The following SLC9A9 variants were observed in gnomAD, a reference collection of about 807,000 sequenced individuals.
The protein encoded by SLC9A9 is solute carrier family 9 member A9.
Under a neutral mutation model 77.8 loss-of-function variants are expected in SLC9A9, and 62 were observed. The observed-to-expected ratio is 0.80, with a 90% CI of 0.65 to 0.98. The LOEUF (loss-of-function observed/expected upper bound fraction) is 0.98, where lower values mean the gene tolerates loss of function less well. SLC9A9 is among the 50% of genes least tolerant of loss of function. The pLI, the probability that SLC9A9 is intolerant of heterozygous loss-of-function variation, is 0.00. For missense variants in SLC9A9, 775 were observed against 774.9 expected (o/e 1.00, Z 0.00); for synonymous variants, 320 against 283.5 (o/e 1.13, Z -1.29).
At chr3:143,647,414 C>T (rs1021283891) in intron 6 of SLC9A9, among the ~76,000 whole-genome samples, 9 of 152,064 alleles carry the variant, frequency 5.9e-5, no homozygotes, top group Non-Finnish European at 1.2e-4. Flanking sequence ...AACAAATGGG[C>T]TTTTATTTTA....
intron 14 of SLC9A9, among the ~76,000 whole-genome samples, chr3:143,349,255 A>G (rs1170297162): frequency 6.6e-6 from 1 of 152,196 alleles, no homozygotes; most frequent in Non-Finnish European, 1.5e-5. Context: ...CTGGGCTTAA[A>G]GGTGCTTACC....
intron 6 of SLC9A9, among the ~76,000 whole-genome samples, chr3:143,580,257 G>T (rs930057096): frequency 1.3e-5 from 2 of 152,178 alleles, no homozygotes; most frequent in African/African-American, 4.8e-5. Context: ...TCCTTCCAGT[G>T]AAGAAACAAG....
chr3:143,602,237 C>A (rs1322465648), intron 6 of SLC9A9, among the ~76,000 whole-genome samples: 3 of 152,178 alleles, frequency 2.0e-5, no homozygotes, highest in Non-Finnish European at 4.4e-5. Context: ...AGGGCTTGTT[C>A]ACTATGGGAC....
At chr3:143,574,802 G>T (rs556587781) in intron 7 of SLC9A9, among the ~76,000 whole-genome samples, 56 of 152,222 alleles carry the variant, frequency 3.7e-4, no homozygotes, top group African/African-American at 1.3e-3. Context: ...GATGACACTT[G>T]GTCAATGGTC....
At chr3:143,322,117 C>T (rs1440891003) in intron 14 of SLC9A9, among the ~76,000 whole-genome samples, 4 of 152,102 alleles carry the variant, frequency 2.6e-5, no homozygotes, top group Admixed American at 1.3e-4. Flanking sequence ...TTAGATAATT[C>T]GCCAGTGTGA....
chr3:143,490,833 G>A (rs1185142405), intron 11 of SLC9A9, among the ~76,000 whole-genome samples: 1 of 152,098 alleles, frequency 6.6e-6, no homozygotes, highest in Non-Finnish European at 1.5e-5. Context: ...ACATAAATAT[G>A]TAACATTACC....
At chr3:143,570,477 A>G (rs2037239044) in intron 8 of SLC9A9, among the ~76,000 whole-genome samples, 1 of 152,118 alleles carries the variant, frequency 6.6e-6, no homozygotes, top group Admixed American at 6.6e-5. Context: ...TTTTTATTAA[A>G]CCAGACATTT....
chr3:143,764,238 A>C (rs2007230165), intron 4 of SLC9A9, among the ~76,000 whole-genome samples: 1 of 152,174 alleles, frequency 6.6e-6, no homozygotes, highest in Non-Finnish European at 1.5e-5. Flanking sequence ...CAGTTATGTC[A>C]AAGAGTCATA....
chr3:143,486,485 A>G (rs1014680849), intron 11 of SLC9A9, among the ~76,000 whole-genome samples: 1 of 152,300 alleles, frequency 6.6e-6, no homozygotes, highest in African/African-American at 2.4e-5. Flanking sequence ...TAAAAAAATT[A>G]TCAGTATAAG....
intron 4 of SLC9A9, among the ~76,000 whole-genome samples, chr3:143,725,280 T>A (rs1040863354): frequency 5.9e-5 from 9 of 152,144 alleles, no homozygotes; most frequent in African/African-American, 2.2e-4. Flanking sequence ...ACTTTTACAC[T>A]GTTGGTGGGA....
chr3:143,658,881 T>C (rs902212123), intron 5 of SLC9A9, among the ~76,000 whole-genome samples: 2 of 152,234 alleles, frequency 1.3e-5, no homozygotes, highest in African/African-American at 4.8e-5. Context: ...AGGTCTTGTA[T>C]CTGGGAACTT....
At chr3:143,840,229 T>TATAAGATACTA (rs1553728253) in intron 1 of SLC9A9, among the ~76,000 whole-genome samples, 15 of 151,712 alleles carry the variant, frequency 9.9e-5, no homozygotes, top group Admixed American at 9.2e-4. Flanking sequence ...AGCATTGTCA[T>TATAAGATACTA]ATAAGATAGT....
At chr3:143,298,824 C>T (rs901170191) in intron 14 of SLC9A9, among the ~76,000 whole-genome samples, 2 of 152,152 alleles carry the variant, frequency 1.3e-5, no homozygotes, top group African/African-American at 4.8e-5. Context: ...TCCAATCATT[C>T]TAGATAGTAT....
intron 14 of SLC9A9, among the ~76,000 whole-genome samples, chr3:143,296,867 AAATTG>A (rs2030294370): frequency 6.6e-5 from 10 of 152,018 alleles, no homozygotes; most frequent in African/African-American, 2.4e-4. Context: ...GCCCATTTTT[AAATTG>A]GGTGTTTTTT....
At chr3:143,768,987 C>G (rs2007422649) in intron 4 of SLC9A9, among the ~76,000 whole-genome samples, 1 of 152,070 alleles carries the variant, frequency 6.6e-6, no homozygotes, top group Non-Finnish European at 1.5e-5. Context: ...TCAGGTTGCC[C>G]CATTTGCATT....
chr3:143,760,483 G>C (rs1003535406), intron 4 of SLC9A9, among the ~76,000 whole-genome samples: 7 of 152,272 alleles, frequency 4.6e-5, no homozygotes, highest in Admixed American at 1.3e-4. Context: ...AAGTTGATAA[G>C]CAACTTCAGC....
chr3:143,770,881 C>A (rs748783192), intron 4 of SLC9A9, among the ~76,000 whole-genome samples: 12 of 151,988 alleles, frequency 7.9e-5, no homozygotes, highest in Non-Finnish European at 1.3e-4. Flanking sequence ...GGCCATGCAC[C>A]AAAAGGAAAT....
At chr3:143,768,641 T>C (rs1576713492) in intron 4 of SLC9A9, among the ~76,000 whole-genome samples, 1 of 152,170 alleles carries the variant, frequency 6.6e-6, no homozygotes, top group South Asian at 2.1e-4. Flanking sequence ...TGGCTAGAGA[T>C]GTACAGTGCT....
At chr3:143,464,735 A>T (rs2035255667) in intron 12 of SLC9A9, among the ~76,000 whole-genome samples, 1 of 152,174 alleles carries the variant, frequency 6.6e-6, no homozygotes. Flanking sequence ...CTTGACCAAG[A>T]CCTACTGGAT....
Sources: gnomAD v4.1 joint callset for allele counts (sites outside exome capture counted in the v4.1 genomes callset) on GRCh38, gnomAD v4.1.1 for gene constraint, MANE v1.5 for transcripts, NCBI Gene and HGNC (gene_info 2026-07-23, HGNC 2026-07-21) for gene names.